The following ENOX1 variants were observed in gnomAD, a reference collection of about 807,000 sequenced individuals.
ENOX1 encodes the protein ecto-NOX disulfide-thiol exchanger 1.
A neutral mutation model predicts 82.5 loss-of-function variants in ENOX1; 42 were observed. The observed-to-expected ratio is 0.51, with a 90% CI of 0.40 to 0.66. ENOX1 has a LOEUF of 0.66. Among genes scored for constraint, ENOX1 ranks in the 30% least tolerant of loss-of-function variants. The pLI is 0.00. For missense variants in ENOX1, 608 were observed against 811.6 expected (o/e 0.75, Z 3.05); for synonymous variants, 271 against 282.2 (o/e 0.96, Z 0.40).
chr13:43,772,749 T>TAAAAAAAAAAAAAAAA (rs35359203), intron 1 of ENOX1, among the ~76,000 whole-genome samples: 103 of 112,056 alleles, frequency 9.2e-4, no homozygotes, highest in African/African-American at 2.5e-3. Flanking sequence ...ACTCTGTCTT[T>TAAAAAAAAAAAAAAAA]AAAAAAAAAA....
At chr13:43,500,719 A>G (rs1405471431) in intron 2 of ENOX1, among the ~76,000 whole-genome samples, 5 of 151,988 alleles carry the variant, frequency 3.3e-5, no homozygotes, top group Non-Finnish European at 5.9e-5. Context: ...TGTATAAATT[A>G]CTTATAATCC....
At chr13:43,774,474 G>A (rs1951808592) in intron 1 of ENOX1, among the ~76,000 whole-genome samples, 2 of 152,020 alleles carry the variant, frequency 1.3e-5, no homozygotes, top group Admixed American at 6.5e-5. Flanking sequence ...AGGTGTGCAC[G>A]TGATTGATTT....
chr13:43,501,584 C>T (rs925793051), intron 2 of ENOX1, among the ~76,000 whole-genome samples: 1 of 150,886 alleles, frequency 6.6e-6, no homozygotes, highest in Non-Finnish European at 1.5e-5. Context: ...AAATCAAACA[C>T]AATATCAATA....
At chr13:43,307,261 G>A (rs2046920886) in intron 11 of ENOX1, among the ~76,000 whole-genome samples, 1 of 152,184 alleles carries the variant, frequency 6.6e-6, no homozygotes, top group African/African-American at 2.4e-5. Flanking sequence ...CTCTCTAAAT[G>A]TATAACCAAG....
chr13:43,217,575 T>C (rs962403165), intron 16 of ENOX1, among the ~76,000 whole-genome samples: 1 of 152,026 alleles, frequency 6.6e-6, no homozygotes, highest in Non-Finnish European at 1.5e-5. Flanking sequence ...CATTATCTCA[T>C]CAGAAAGCTC....
intron 12 of ENOX1, among the ~76,000 whole-genome samples, chr13:43,282,664 T>C (rs1309875333): frequency 6.6e-6 from 1 of 151,856 alleles, no homozygotes; most frequent in African/African-American, 2.4e-5. Flanking sequence ...GCTCAAGGGA[T>C]CTGCCTGCCT....
At chr13:43,770,358 GA>G (rs1235261136) in intron 1 of ENOX1, among the ~76,000 whole-genome samples, 1 of 152,162 alleles carries the variant, frequency 6.6e-6, no homozygotes, top group African/African-American at 2.4e-5. Flanking sequence ...TAGAGATGCA[GA>G]AATTTTGCTA....
intron 3 of ENOX1, among the ~76,000 whole-genome samples, chr13:43,432,010 T>A (rs1484107559): frequency 1.3e-5 from 2 of 152,166 alleles, no homozygotes; most frequent in Non-Finnish European, 1.5e-5. Context: ...AACTAGCCCA[T>A]CCTACGCCTG....
intron 1 of ENOX1, among the ~76,000 whole-genome samples, chr13:43,775,667 CTTAA>C (rs984514227): frequency 2.0e-5 from 3 of 152,270 alleles, no homozygotes; most frequent in Non-Finnish European, 2.9e-5. Flanking sequence ...AAAGCTTGTT[CTTAA>C]TTGAGGCTCC....
At chr13:43,611,251 T>C (rs887985478) in intron 2 of ENOX1, among the ~76,000 whole-genome samples, 6 of 152,146 alleles carry the variant, frequency 3.9e-5, no homozygotes, top group Non-Finnish European at 7.4e-5. Context: ...CACCCAGACA[T>C]ACACATATAC....
At chr13:43,451,548 A>G (rs1001759862) in intron 3 of ENOX1, among the ~76,000 whole-genome samples, 8 of 152,230 alleles carry the variant, frequency 5.3e-5, no homozygotes, top group African/African-American at 1.9e-4. Context: ...TTAGAAATAA[A>G]TGGTGTTTAT....
intron 10 of ENOX1, among the ~76,000 whole-genome samples, chr13:43,324,933 G>A (rs777769904): frequency 6.6e-5 from 10 of 152,166 alleles, no homozygotes; most frequent in Non-Finnish European, 1.2e-4. Context: ...AGGTTTATTC[G>A]GCAGCAGGCC....
intron 11 of ENOX1, among the ~76,000 whole-genome samples, chr13:43,320,805 G>A (rs988053047): frequency 1.3e-5 from 2 of 152,086 alleles, no homozygotes; most frequent in Non-Finnish European, 2.9e-5. Context: ...GGATGAAAGC[G>A]CTTTTGACAA....
intron 2 of ENOX1, among the ~76,000 whole-genome samples, chr13:43,501,554 G>A (rs1178338579): frequency 6.6e-6 from 1 of 151,488 alleles, no homozygotes; most frequent in African/African-American, 2.4e-5. Context: ...ATCATACCAA[G>A]TATCTTTCTG....
intron 14 of ENOX1, among the ~76,000 whole-genome samples, chr13:43,252,268 G>T (rs1379690229): frequency 6.6e-6 from 1 of 152,122 alleles, no homozygotes; most frequent in Non-Finnish European, 1.5e-5. Flanking sequence ...TTTCAAGCTG[G>T]GAAAGCTGAG....
intron 2 of ENOX1, among the ~76,000 whole-genome samples, chr13:43,527,173 C>T (rs2078023691): frequency 6.6e-6 from 1 of 151,648 alleles, no homozygotes; most frequent in South Asian, 2.1e-4. Flanking sequence ...GAACCTCCCT[C>T]AACCTCAGCT....
chr13:43,627,945 G>A (rs1051751554), intron 2 of ENOX1, among the ~76,000 whole-genome samples: 1 of 151,818 alleles, frequency 6.6e-6, no homozygotes, highest in Non-Finnish European at 1.5e-5. Context: ...ACTTTATTCT[G>A]GGTTTCATTG....
At chr13:43,673,764 G>T (rs2085375495) in intron 1 of ENOX1, among the ~76,000 whole-genome samples, 2 of 152,208 alleles carry the variant, frequency 1.3e-5, no homozygotes, top group Admixed American at 1.3e-4. Context: ...GTATTTGTGT[G>T]CTTGTGTGTG....
chr13:43,229,822 T>G (rs931907949), intron 15 of ENOX1, among the ~76,000 whole-genome samples: 4 of 152,106 alleles, frequency 2.6e-5, no homozygotes, highest in Non-Finnish European at 5.9e-5. Context: ...GTTTTTCACT[T>G]GAGCAACTGG....
Sources: allele counts gnomAD v4.1 joint callset (sites outside exome capture counted in the v4.1 genomes callset), GRCh38; gene constraint gnomAD v4.1.1; transcripts MANE v1.5; gene names NCBI Gene and HGNC (gene_info 2026-07-23, HGNC 2026-07-21).